The following SEMA4A variants were observed in gnomAD, a reference collection of about 807,000 sequenced individuals.
SEMA4A encodes the protein semaphorin-4A.
Under a neutral mutation model 72.5 loss-of-function variants are expected in SEMA4A, and 52 were observed. The observed-to-expected ratio is 0.72, with a 90% CI of 0.57 to 0.90. SEMA4A has a LOEUF of 0.90. Among genes scored for constraint, SEMA4A ranks in the 40% least tolerant of loss-of-function variants. SEMA4A has a pLI of 0.00. For synonymous variants in SEMA4A, 369 were observed against 393.1 expected, an observed-to-expected ratio of 0.94 and a Z score of 0.73; for missense variants, 926 against 959.7, an observed-to-expected ratio of 0.96 and a Z score of 0.46.
In SEMA4A at chr1:156,158,729, A is replaced by T; in HGVS notation, c.473A>T (p.Asp158Val). ...TCTCTCCCCATTTAGGAACTTCAAG[A>T]TTCCTACCTGTTGCCCATCTCGGAG... is the stretch of plus-strand genomic sequence containing the variant. Reference protein sequence around the residue: ...SPACTFIELQDSYLLPISEDK... With the variant: ...SPACTFIELQVSYLLPISEDK... The change falls in exon 6 of 15, where the codon GAT becomes GTT. Residue 158 changes from aspartate to valine, a missense_variant. Physicochemically the swap from Asp to Val is radical, Grantham distance 152. Coordinates refer to ENST00000368285, the MANE Select transcript of SEMA4A (RefSeq NM_022367.4). 1 of 1,613,144 alleles carries T rather than the reference A, an allele frequency of 6.2e-7. No homozygotes were observed. The highest frequency in any genetic ancestry group is 1.1e-5 in the South Asian group (1 of 91,036).
At chr1:156,171,757 T>A (rs1654793272) in intron 10 of SEMA4A, among the ~76,000 whole-genome samples, 1 of 150,606 alleles carries the variant, frequency 6.6e-6, no homozygotes, top group South Asian at 2.1e-4. Context: ...TTGTATTTTT[T>A]AATTAATTAA....
intron 8 of SEMA4A, 118 bp downstream of exon 8, chr1:156,161,147 GGGC>G: frequency 1.2e-6 from 1 of 818,150 alleles, no homozygotes; most frequent in East Asian, 3.0e-5. Flanking sequence ...GGGAACAAGC[GGGC>G]CTGGCGGGGT....
At chr1:156,175,446 C>T (rs1035768227) in intron 13 of SEMA4A, 110 bp from the exon 14 acceptor site, 75 of 1,099,410 alleles carry the variant, frequency 6.8e-5, no homozygotes, top group Non-Finnish European at 8.9e-5. Flanking sequence ...CTCTCTGTTC[C>T]TAGTCTCCCC....
intron 10 of SEMA4A, 38 bp from the exon 11 acceptor site, chr1:156,172,787 AG>A: frequency 6.3e-7 from 1 of 1,593,872 alleles, no homozygotes; most frequent in Non-Finnish European, 8.6e-7. Flanking sequence ...GCTGAGGGGA[AG>A]GGGCAAACCA....
intron 10 of SEMA4A, among the ~76,000 whole-genome samples, chr1:156,167,317 C>T (rs371147021): frequency 2.2e-4 from 34 of 151,550 alleles, no homozygotes; most frequent in African/African-American, 8.2e-4. Flanking sequence ...AGTAAGACCC[C>T]CATCTCTACA....
At chr1:156,169,979 C>T (rs921391616) in intron 10 of SEMA4A, among the ~76,000 whole-genome samples, 1 of 151,338 alleles carries the variant, frequency 6.6e-6, no homozygotes, top group Non-Finnish European at 1.5e-5. Flanking sequence ...GAGCCGAGAT[C>T]GTGCCACTGC....
At chr1:156,163,719 T>A (rs1572404916) in intron 10 of SEMA4A, among the ~76,000 whole-genome samples, 2 of 30,472 alleles carry the variant, frequency 6.6e-5, no homozygotes, top group South Asian at 1.3e-3. Flanking sequence ...AGACTCAGTC[T>A]CAAAAAAAAA....
rs781545287 is a variant in SEMA4A at position 156,158,444 on chromosome 1, C to T, written c.420C>T (p.Tyr140=). Reference sequence around the variant, plus strand: ...TTTCTTACAATGTCACCCATCTCTACACCTGCGGCACCTTCGCCTTCAGCC... The same window carrying T: ...TTTCTTACAATGTCACCCATCTCTATACCTGCGGCACCTTCGCCTTCAGCC... ...VLVSYNVTHL[Y]TCGTFAFSPA... Residue 140 remains tyrosine (Y), a synonymous_variant, in exon 5 of 15, where the codon TAC becomes TAT. Transcript: ENST00000368285. The T allele has an allele frequency of 3.7e-6, 6 of 1,613,950 alleles. No homozygotes were observed. The South Asian group carries it at 5.5e-5, about 15-fold the overall frequency.
At chr1:156,160,687 G>A (rs2102955764) in intron 7 of SEMA4A, 128 bp downstream of exon 7, 2 of 1,043,208 alleles carry the variant, frequency 1.9e-6, no homozygotes, top group East Asian at 5.1e-5. Flanking sequence ...TGGCAGGGAA[G>A]AAGGCAAAGC....
chr1:156,176,616 G>A lies in SEMA4A; in HGVS notation c.1905G>A (p.Val635=). 6.2e-7 allele frequency: 1 copy of A among 1,614,172 alleles called. No homozygotes were observed. The highest frequency in any genetic ancestry group is 8.5e-7 in the Non-Finnish European group (1 of 1,180,012). Residue 635 remains valine (V), a synonymous_variant, in exon 15 of 15, where the codon GTG becomes GTA. Transcript: ENST00000368285. ...CTGAGAATGGCTTTTCATACCCTGT[G>A]ATCTCCTACTGGGTGGACAGCCAGG... ...WATENGFSYP[V]ISYWVDSQDQ...
In SEMA4A at chr1:156,177,162, A is replaced by C. The variant is rs889938661; in HGVS notation, c.*165A>C. Reference sequence around the variant, plus strand: ...CTGATGACACTCAGCAGGGTGATGCACAGCAGTCTGCCTCCCCTATGGGAC... The same window carrying C: ...CTGATGACACTCAGCAGGGTGATGCCCAGCAGTCTGCCTCCCCTATGGGAC... On this transcript the variant is annotated 3_prime_UTR_variant, in exon 15 of 15. Coordinates refer to ENST00000368285, the MANE Select transcript of SEMA4A (RefSeq NM_022367.4). 43 of 716,614 alleles carry C rather than the reference A, an allele frequency of 6.0e-5. No individual in the cohort carries two copies. Among genetic ancestry groups the C allele is most frequent in the Non-Finnish European group, 9.1e-5 (37 of 405,910 alleles). The allele number at this position is 716,614 out of a possible 1,614,324, so 44.4% of individuals were successfully genotyped here. A position where few individuals can be genotyped will look rare whatever the true frequency, so the allele number is the denominator to read the frequency against.
intron 10 of SEMA4A, among the ~76,000 whole-genome samples, chr1:156,166,364 A>G (rs1420876509): frequency 2.0e-5 from 3 of 152,106 alleles, no homozygotes; most frequent in Non-Finnish European, 1.5e-5. Context: ...TCATTCAACA[A>G]ATATTTTTTG....
intron 10 of SEMA4A, among the ~76,000 whole-genome samples, chr1:156,171,631 C>T (rs1240982691): frequency 1.3e-5 from 2 of 152,098 alleles, no homozygotes; most frequent in African/African-American, 4.8e-5. Context: ...GGCTGGAGTA[C>T]AGTGGCACAA....
upstream of SEMA4A, among the ~76,000 whole-genome samples, chr1:156,150,516 T>C (rs149204725): frequency 4.6e-5 from 7 of 152,184 alleles, no homozygotes; most frequent in East Asian, 1.4e-3. Flanking sequence ...TGGACTCTTC[T>C]GTGGGCTGCC....
At chr1:156,160,367 A>G in intron 6 of SEMA4A, 76 bp from the exon 7 acceptor site, 1 of 1,128,830 alleles carries the variant, frequency 8.9e-7, no homozygotes, top group Non-Finnish European at 1.3e-6. Context: ...TGCCAGCCCC[A>G]GTCAGAGGCA....
At chr1:156,175,730 C>T in intron 14 of SEMA4A, 74 bp downstream of exon 14, 1 of 1,008,162 alleles carries the variant, frequency 9.9e-7, no homozygotes, top group Non-Finnish European at 1.5e-6. Context: ...GGCATTCCTG[C>T]TCCAATTTCC....
rs1166102027 is a variant in SEMA4A at position 156,177,201 on chromosome 1, G to A, written c.*204G>A. On this transcript the variant is annotated 3_prime_UTR_variant, in exon 15 of 15. Coordinates refer to ENST00000368285, the MANE Select transcript of SEMA4A (RefSeq NM_022367.4). ...CCCCTATGGGACTCCCTTCTACCAA[G>A]CACATGAGCTCTCTAACAGGGTGGG... 3 of 642,916 alleles carry A rather than the reference G, an allele frequency of 4.7e-6. No homozygotes were observed. Among genetic ancestry groups the A allele is most frequent in the Non-Finnish European group, 5.6e-6 (2 of 356,858 alleles). The allele number at this position is 642,916 out of a possible 1,614,324, so 39.8% of individuals were successfully genotyped here.
At chr1:156,166,537 T>C (rs1558155649) in intron 10 of SEMA4A, among the ~76,000 whole-genome samples, 1 of 152,152 alleles carries the variant, frequency 6.6e-6, no homozygotes, top group Non-Finnish European at 1.5e-5. Context: ...ACTGTCCAAG[T>C]CTTTGGTTGT....
intron 8 of SEMA4A, 112 bp from the exon 9 acceptor site, chr1:156,161,234 C>A (rs2102958972): frequency 2.5e-6 from 1 of 392,686 alleles, no homozygotes; most frequent in Non-Finnish European, 4.0e-6. Context: ...TGGGGACACG[C>A]GGGGCTGGCG....
Sources: allele counts gnomAD v4.1 joint callset (sites outside exome capture counted in the v4.1 genomes callset), GRCh38; gene constraint gnomAD v4.1.1; transcripts MANE v1.5; gene names NCBI Gene and HGNC (gene_info 2026-07-23, HGNC 2026-07-21).